Variants in AGBL1 observed in about 807,000 individuals in gnomAD.
AGBL1 encodes the protein cytosolic carboxypeptidase 4.
In AGBL1, 130 loss-of-function variants were observed where a neutral mutation model predicts 118.9. That is an observed-to-expected ratio of 1.09 (90% confidence interval 0.95 to 1.26). The LOEUF is 1.26. Among genes scored for constraint, AGBL1 ranks in the 50% most tolerant of loss-of-function variants. The probability of loss-of-function intolerance (pLI) is 0.00; values close to 1 mark genes in which losing one functional copy is unlikely to be tolerated. For missense variants in AGBL1, 1,584 were observed against 1,298.1 expected (o/e 1.22, Z -3.38); for synonymous variants, 555 against 478.9 (o/e 1.16, Z -2.08).
At chr15:86,759,580 C>T (rs191804440) in intron 22 of AGBL1, among the ~76,000 whole-genome samples, 2 of 152,180 alleles carry the variant, frequency 1.3e-5, no homozygotes, top group Admixed American at 6.6e-5. Context: ...TGGCTTTCCT[C>T]CCCAAATCAC....
chr15:86,300,955 G>C (rs1369736269), intron 17 of AGBL1, among the ~76,000 whole-genome samples: 2 of 152,164 alleles, frequency 1.3e-5, no homozygotes, highest in African/African-American at 4.8e-5. Context: ...CTTGTAAGTG[G>C]TTTTAAATTA....
At chr15:87,029,031 A>T (rs1192275090) in exon 25 of AGBL1, 1 of 560,126 alleles carries the variant, frequency 1.8e-6, no homozygotes, top group African/African-American at 1.9e-5. Flanking sequence ...GGCAATCTTC[A>T]TAAAAATAGA....
At chr15:86,151,813 G>C (rs1185824175) in intron 3 of AGBL1, among the ~76,000 whole-genome samples, 6 of 152,154 alleles carry the variant, frequency 3.9e-5, no homozygotes, top group African/African-American at 1.4e-4. Flanking sequence ...AAGCTGATAA[G>C]CAACTTCAGC....
intron 23 of AGBL1, among the ~76,000 whole-genome samples, chr15:86,963,330 A>T (rs867186901): frequency 2.0e-5 from 3 of 152,112 alleles, no homozygotes; most frequent in Non-Finnish European, 1.5e-5. Flanking sequence ...AATAGTGCCA[A>T]ATGTCAAGTT....
At chr15:86,264,997 G>T (rs549626369) in intron 11 of AGBL1, among the ~76,000 whole-genome samples, 159 bp downstream of exon 11, 1 of 152,330 alleles carries the variant, frequency 6.6e-6, no homozygotes, top group East Asian at 1.9e-4. Context: ...CACAAACTTT[G>T]CTTCCTGCAA....
chr15:86,519,624 A>G (rs1026944698), intron 18 of AGBL1, among the ~76,000 whole-genome samples: 1 of 152,228 alleles, frequency 6.6e-6, no homozygotes, highest in Non-Finnish European at 1.5e-5. Flanking sequence ...TTGCATAGAT[A>G]CAGGGACTGC....
intron 24 of AGBL1, among the ~76,000 whole-genome samples, chr15:87,027,340 A>T (rs1452731825): frequency 6.6e-6 from 1 of 152,000 alleles, no homozygotes; most frequent in Non-Finnish European, 1.5e-5. Flanking sequence ...TGGAGTGTAA[A>T]TTAGTTAAAC....
intron 21 of AGBL1, among the ~76,000 whole-genome samples, chr15:86,568,729 A>G (rs2083956692): frequency 6.6e-6 from 1 of 152,214 alleles, no homozygotes; most frequent in South Asian, 2.1e-4. Context: ...CATTTTAACC[A>G]GATCTCCAGG....
At chr15:86,152,577 G>T (rs1408124158) in intron 3 of AGBL1, among the ~76,000 whole-genome samples, 1 of 152,084 alleles carries the variant, frequency 6.6e-6, no homozygotes, top group African/African-American at 2.4e-5. Context: ...AGAAAACCTA[G>T]GCAATACCAT....
At chr15:86,136,444 A>C (rs1377570814) in intron 1 of AGBL1, among the ~76,000 whole-genome samples, 1 of 152,222 alleles carries the variant, frequency 6.6e-6, no homozygotes, top group East Asian at 1.9e-4. Context: ...TGTGAACAGC[A>C]GCCCTGGAGT....
chr15:86,114,482 A>G (rs371892484), intron 1 of AGBL1, among the ~76,000 whole-genome samples: 69 of 152,344 alleles, frequency 4.5e-4, no homozygotes, highest in African/African-American at 1.6e-3. Context: ...GTGAAAAACA[A>G]TAGGAACTTA....
chr15:86,592,014 C>A (rs535632905), intron 21 of AGBL1, among the ~76,000 whole-genome samples: 1 of 152,240 alleles, frequency 6.6e-6, no homozygotes, highest in South Asian at 2.1e-4. Flanking sequence ...ATATATTTTA[C>A]AATATCACAA....
chr15:86,537,735 G>A (rs938687066), intron 19 of AGBL1, among the ~76,000 whole-genome samples: 5 of 152,188 alleles, frequency 3.3e-5, no homozygotes, highest in Non-Finnish European at 7.3e-5. Context: ...ACTTTCTAAT[G>A]GGTCCATCTG....
At chr15:86,293,359 G>A (rs1468253127) in intron 16 of AGBL1, among the ~76,000 whole-genome samples, 1 of 152,178 alleles carries the variant, frequency 6.6e-6, no homozygotes, top group Non-Finnish European at 1.5e-5. Flanking sequence ...TGGGGAGAGT[G>A]TGTTTCCTTT....
At position 86,909,328 on chromosome 15, in the gene AGBL1, A is replaced by C. The variant is rs962112911; in HGVS notation, c.*2034A>C. 3.3e-5 allele frequency: 5 copies of C among 152,236 alleles called. No individual in the cohort carries two copies. The East Asian group carries it at 9.6e-4, about 29-fold the overall frequency. 9.4% of individuals were successfully genotyped at this position (152,236 alleles called of 1,614,324 possible). ...GCCAAAAGACTTCTCCTGATGTTCC[A>C]AACACCACCAAGGGAGTTTTGGATA... On this transcript the variant is annotated 3_prime_UTR_variant, in exon 23 of 23. Coordinates refer to ENST00000614907, the MANE Select transcript of AGBL1 (RefSeq NM_001386094.1).
At chr15:86,709,388 A>G (rs2086513853) in intron 22 of AGBL1, among the ~76,000 whole-genome samples, 2 of 152,136 alleles carry the variant, frequency 1.3e-5, no homozygotes, top group South Asian at 4.1e-4. Context: ...AACTCTTTGA[A>G]TGCATGCTCA....
At chr15:86,854,725 T>C (rs1177309923) in intron 22 of AGBL1, among the ~76,000 whole-genome samples, 1 of 152,204 alleles carries the variant, frequency 6.6e-6, no homozygotes, top group Non-Finnish European at 1.5e-5. Flanking sequence ...TAAATAGAGC[T>C]TGACTCTTCA....
intron 21 of AGBL1, among the ~76,000 whole-genome samples, chr15:86,624,793 A>T (rs1377324530): frequency 2.0e-5 from 3 of 152,134 alleles, no homozygotes; most frequent in African/African-American, 7.2e-5. Flanking sequence ...CAAACTCAGG[A>T]GGGAGACAAG....
In AGBL1 at chr15:86,331,740, G is replaced by A. The variant is rs144076137; in HGVS notation, c.2374+36332G>A. Among the ~76,000 whole-genome samples the A allele has an allele frequency of 3.7e-3, 559 of 152,308 alleles. 2 individuals are homozygous for A. The highest frequency in any genetic ancestry group is 0.013 in the African/African-American group (529 of 41,568). ...GAAAAATAAAATGTTTTTCAGAATAGCAAGTGCTATGGGAATTTGTTATCA... is the reference window on the plus strand; with the variant it reads ...GAAAAATAAAATGTTTTTCAGAATAACAAGTGCTATGGGAATTTGTTATCA... On this transcript the variant is annotated intron_variant, in intron 17 of 22. Transcript: ENST00000614907.
Sources: allele counts gnomAD v4.1 joint callset (sites outside exome capture counted in the v4.1 genomes callset), GRCh38; gene constraint gnomAD v4.1.1; transcripts MANE v1.5; gene names NCBI Gene and HGNC (gene_info 2026-07-23, HGNC 2026-07-21).